Variants in HAVCR1 observed in about 807,000 individuals in gnomAD.
HAVCR1 encodes the protein hepatitis A virus cellular receptor 1.
A neutral mutation model predicts 32.0 loss-of-function variants in HAVCR1; 34 were observed. The ratio of observed to expected loss-of-function variants is 1.06; its 90% CI spans 0.81 to 1.42. The LOEUF (loss-of-function observed/expected upper bound fraction) is 1.42. Ranked by LOEUF, HAVCR1 falls within the 40% of genes most tolerant of loss-of-function variation. The pLI, the probability that HAVCR1 is intolerant of heterozygous loss-of-function variation, is 0.00. For missense variants in HAVCR1, 420 were observed against 442.3 expected, an observed-to-expected ratio of 0.95 and a Z score of 0.45; for synonymous variants, 178 against 170.3, an observed-to-expected ratio of 1.05 and a Z score of -0.35.
Position 157,052,543 on chromosome 5 carries a change from GTCGT to G in HAVCR1, c.487_490del (p.Thr163GlnfsTer7), listed in dbSNP as rs759094779. The stretch of plus-strand genomic sequence containing the variant: ...AATGCTCATTGTTGTTGGAACAGTT[GTCGT>G]TGGAACAGTCGTCATTGGAACAGTC... On this transcript the variant is annotated frameshift_variant, in exon 4 of 9. Transcript: ENST00000523175. LOFTEE classifies it high-confidence loss of function. 3 of 1,526,588 alleles carry G rather than the reference GTCGT, an allele frequency of 2.0e-6. No homozygotes were observed. The South Asian group carries it at 3.5e-5, about 18-fold the overall frequency. 94.6% of individuals were successfully genotyped at this position (1,526,588 alleles called of 1,614,324 possible).
At position 157,052,478 on chromosome 5, in the gene HAVCR1, T is replaced by C. The variant is rs560612151; in HGVS notation, c.556A>G (p.Thr186Ala). The change falls in exon 4 of 9, where the codon ACG (threonine) becomes GCG (alanine). Residue 186 changes from threonine to alanine, a missense_variant. By Grantham distance (58) the Thr-to-Ala change is moderately conservative. Transcript: ENST00000523175. ...GTTGTCGTTGGAACGCTCGTTGTCG[T>C]TGAAACAGTCATTGTCGTCAGAACA... ...TTVLTTMTVS[T>A]TTSVPTTTSI... The C allele has an allele frequency of 3.7e-6, 6 of 1,603,234 alleles. No homozygotes were observed. In the Admixed American group the frequency reaches 1.0e-4, roughly 27 times the overall value.
chr5:157,045,196 AG>A (rs1167777479), intron 5 of HAVCR1, among the ~76,000 whole-genome samples: 3 of 150,750 alleles, frequency 2.0e-5, no homozygotes, highest in Non-Finnish European at 3.0e-5. Flanking sequence ...CTGTAATAAA[AG>A]CTATGGGAAT....
intron 6 of HAVCR1, among the ~76,000 whole-genome samples, chr5:157,041,507 A>G (rs1754894419): frequency 6.6e-6 from 1 of 152,138 alleles, no homozygotes; most frequent in African/African-American, 2.4e-5. Context: ...AAAAATAAAA[A>G]AAAGAAAGAA....
chr5:157,056,071 T>A (rs1756118708), intron 2 of HAVCR1, among the ~76,000 whole-genome samples: 1 of 151,824 alleles, frequency 6.6e-6, no homozygotes, highest in Non-Finnish European at 1.5e-5. Flanking sequence ...TGCATCAGCC[T>A]CCCAAGTAGC....
intron 6 of HAVCR1, among the ~76,000 whole-genome samples, chr5:157,038,789 T>C (rs1754693896): frequency 6.6e-6 from 1 of 152,180 alleles, no homozygotes; most frequent in Non-Finnish European, 1.5e-5. Flanking sequence ...AAATACTGCA[T>C]GCTCATTTTA....
intron 1 of HAVCR1, chr5:157,058,302 A>T (rs566942060): frequency 5.3e-6 from 1 of 189,914 alleles, no homozygotes; most frequent in Non-Finnish European, 1.1e-5. Flanking sequence ...GGTGGCTCAA[A>T]CCTGTAATCC....
At chr5:157,040,574 C>T (rs575600361) in intron 6 of HAVCR1, among the ~76,000 whole-genome samples, 4 of 152,296 alleles carry the variant, frequency 2.6e-5, no homozygotes, top group South Asian at 2.1e-4. Flanking sequence ...ACAATGGCCA[C>T]GTTGTCATTT....
chr5:157,035,079 T>G (rs773113389), intron 7 of HAVCR1, among the ~76,000 whole-genome samples: 6 of 152,116 alleles, frequency 3.9e-5, no homozygotes, highest in Non-Finnish European at 8.8e-5. Flanking sequence ...GTATTTAAGC[T>G]CCAGTCATCT....
chr5:157,036,345 G>A (rs1471660191), intron 7 of HAVCR1, among the ~76,000 whole-genome samples: 1 of 152,180 alleles, frequency 6.6e-6, no homozygotes, highest in Non-Finnish European at 1.5e-5. Flanking sequence ...CGGGCGTGGT[G>A]GCGGGCGCCT....
chr5:157,061,478 TG>T (rs1470076139), upstream of HAVCR1, among the ~76,000 whole-genome samples: 1 of 151,894 alleles, frequency 6.6e-6, no homozygotes, highest in Non-Finnish European at 1.5e-5. Flanking sequence ...GAGGCCGAGG[TG>T]GGAGGATCAC....
intron 5 of HAVCR1, among the ~76,000 whole-genome samples, chr5:157,047,726 T>C (rs1445148126): frequency 2.0e-5 from 3 of 152,166 alleles, no homozygotes; most frequent in Non-Finnish European, 4.4e-5. Context: ...AATTATCTGG[T>C]AAACATAAGT....
chr5:157,067,590 G>A, the HAVCR1 span, among the ~76,000 whole-genome samples: 83,471 of 152,012 alleles, frequency 0.55, 24,573 homozygotes, highest in East Asian at 0.85. Context: ...AGGATCAATT[G>A]AGCAGGGGTC....
chr5:157,054,456 G>A (rs1377236591), intron 3 of HAVCR1, among the ~76,000 whole-genome samples: 1 of 152,006 alleles, frequency 6.6e-6, no homozygotes, highest in East Asian at 1.9e-4. Context: ...AGTGAGCCAC[G>A]ATTGTGACAT....
At chr5:157,036,269 G>C (rs1754526506) in intron 7 of HAVCR1, among the ~76,000 whole-genome samples, 1 of 152,144 alleles carries the variant, frequency 6.6e-6, no homozygotes, top group Non-Finnish European at 1.5e-5. Flanking sequence ...ACAAGGTCAG[G>C]AGATCGAGAC....
intron 4 of HAVCR1, among the ~76,000 whole-genome samples, chr5:157,049,606 C>A (rs925711387): frequency 6.6e-6 from 1 of 152,248 alleles, no homozygotes; most frequent in Non-Finnish European, 1.5e-5. Context: ...CCCTTCACAA[C>A]AGCCCCATTC....
intron 2 of HAVCR1, among the ~76,000 whole-genome samples, chr5:157,057,396 AAAGAAAGAAAG>A (rs1228279559): frequency 3.5e-5 from 1 of 28,264 alleles, no homozygotes; most frequent in Non-Finnish European, 8.8e-5. Context: ...GGAAAGAAAG[AAAGAAAGAAAG>A]AAAGAAAGAA....
chr5:157,059,494 G>A (rs1452582320), upstream of HAVCR1, among the ~76,000 whole-genome samples: 3 of 152,024 alleles, frequency 2.0e-5, no homozygotes, highest in Non-Finnish European at 4.4e-5. Context: ...GGCTAACACG[G>A]TGAAACCCCG....
chr5:157,044,668 A>G lies in HAVCR1; in HGVS notation c.782-1986T>C, dbSNP rs1432986806. On this transcript the variant is annotated intron_variant, in intron 5 of 8. Transcript: ENST00000523175. ...AAGAAAGAAAGAAAGAAAGAAAGAA[A>G]GAAAGAAAGGAGGGAGGGAGGAAGG... 1.9e-4 allele frequency among the ~76,000 whole-genome samples: 23 copies of G among 124,210 alleles called. 2 individuals are homozygous for G. The highest frequency in any genetic ancestry group is 4.0e-4 in the African/African-American group (15 of 37,682). The allele number at this position is 124,210 out of a possible 152,430, so 81.5% of individuals were successfully genotyped here. A position where few individuals can be genotyped will look rare whatever the true frequency, so the allele number is the denominator to read the frequency against.
In HAVCR1 at chr5:157,029,757, C is replaced by A; in HGVS notation, c.1071G>T (p.Glu357Asp). The A allele has an allele frequency of 6.2e-7, 1 of 1,612,302 alleles. No homozygotes were observed. Among genetic ancestry groups the A allele is most frequent in the South Asian group, 1.1e-5 (1 of 91,046 alleles). Residue 357 changes from glutamate (E) to aspartate (D), a missense_variant, in exon 9 of 9, where the codon GAG becomes GAT. Physicochemically the swap from Glu to Asp is conservative, Grantham distance 45 (BLOSUM62 2). Transcript: ENST00000523175. ...EVQAEDNIYI[E>D]NSLYATD ...CTTAGTCCGTGGCATAAAGACTATT[C>A]TCAATGTAGATATTGTCTTCTGCTT... is the stretch of plus-strand genomic sequence containing the variant.
Sources: allele counts gnomAD v4.1 joint callset (sites outside exome capture counted in the v4.1 genomes callset), GRCh38; gene constraint gnomAD v4.1.1; transcripts MANE v1.5; gene names NCBI Gene and HGNC (gene_info 2026-07-23, HGNC 2026-07-21).